The following GPHN variants were observed in gnomAD, a reference collection of about 807,000 sequenced individuals.
GPHN encodes gephyrin.
In GPHN, 17 loss-of-function variants were observed where a neutral mutation model predicts 95.5. The observed-to-expected ratio is 0.18, with a 90% CI of 0.12 to 0.27. GPHN has a LOEUF of 0.27. GPHN is among the 10% of genes least tolerant of loss of function. GPHN has a pLI of 1.00. For missense variants in GPHN, 660 were observed against 978.1 expected (o/e 0.67, Z 4.34); for synonymous variants, 320 against 322.5 (o/e 0.99, Z 0.08).
At chr14:67,271,707 T>C in the GPHN span, 1 of 152,148 alleles carries the variant, frequency 6.6e-6, no homozygotes, top group Non-Finnish European at 1.5e-5. Flanking sequence ...TTAAAGAGAA[T>C]AGGAGATTAA....
At chr14:67,725,409 G>A in the GPHN span, among the ~76,000 whole-genome samples, 1 of 152,216 alleles carries the variant, frequency 6.6e-6, no homozygotes, top group South Asian at 2.1e-4. Context: ...TTGGCAAGAG[G>A]ATGGTGGGTA....
At chr14:66,812,774 A>G (rs2060813471) in intron 3 of GPHN, among the ~76,000 whole-genome samples, 1 of 152,202 alleles carries the variant, frequency 6.6e-6, no homozygotes, top group African/African-American at 2.4e-5. Flanking sequence ...TTTCAAACCA[A>G]CAAAATTTAT....
chr14:67,691,018 C>T, the GPHN span: 2 of 713,830 alleles, frequency 2.8e-6, no homozygotes, highest in East Asian at 2.5e-5. Flanking sequence ...AACTATTATG[C>T]ACACATGGTC....
intron 12 of GPHN, 141 bp from the exon 13 acceptor site, chr14:67,100,715 T>C: frequency 1.4e-6 from 1 of 692,054 alleles, no homozygotes; most frequent in Non-Finnish European, 2.7e-6. Context: ...CATTGTCAAG[T>C]CTAGGAGATC....
At chr14:67,621,306 T>C in the GPHN span, among the ~76,000 whole-genome samples, 1 of 152,188 alleles carries the variant, frequency 6.6e-6, no homozygotes, top group Non-Finnish European at 1.5e-5. Flanking sequence ...TTGAGATGCT[T>C]ATGATTTATC....
chr14:67,345,462 G>T, the GPHN span, among the ~76,000 whole-genome samples: 1 of 151,922 alleles, frequency 6.6e-6, no homozygotes, highest in African/African-American at 2.4e-5. Context: ...GGCTGAGGCA[G>T]AAGAATCACT....
At chr14:67,175,056 T>G (rs1210761621) in intron 21 of GPHN, among the ~76,000 whole-genome samples, 1 of 152,216 alleles carries the variant, frequency 6.6e-6, no homozygotes, top group African/African-American at 2.4e-5. Flanking sequence ...TAGTTTCTTT[T>G]GCTGTGTAGA....
At chr14:66,844,736 A>C (rs2062247376) in intron 4 of GPHN, among the ~76,000 whole-genome samples, 1 of 152,186 alleles carries the variant, frequency 6.6e-6, no homozygotes, top group Non-Finnish European at 1.5e-5. Flanking sequence ...AAATATAAAC[A>C]TAAAATTTAC....
chr14:67,596,058 G>C, the GPHN span, among the ~76,000 whole-genome samples: 2 of 152,152 alleles, frequency 1.3e-5, no homozygotes, highest in Non-Finnish European at 2.9e-5. Context: ...CATTTCTGAA[G>C]TTAAAATGTG....
the GPHN span, chr14:67,199,199 G>T: frequency 1.0e-5 from 16 of 1,606,754 alleles, no homozygotes; most frequent in Middle Eastern, 3.3e-4. Flanking sequence ...ACATGCCAAA[G>T]GATAGAGTCA....
chr14:67,671,911 C>T, the GPHN span, among the ~76,000 whole-genome samples: 1 of 152,210 alleles, frequency 6.6e-6, no homozygotes, highest in Admixed American at 6.5e-5. Flanking sequence ...ATGGAGCCCT[C>T]ATGGTCTAAT....
the GPHN span, among the ~76,000 whole-genome samples, chr14:67,296,892 C>T: frequency 6.6e-6 from 1 of 152,106 alleles, no homozygotes; most frequent in Admixed American, 6.6e-5. Flanking sequence ...TGGGCTCAAA[C>T]AATCCTTCCA....
At chr14:67,388,162 T>C in the GPHN span, 1 of 1,024,884 alleles carries the variant, frequency 9.8e-7, no homozygotes. Flanking sequence ...TAGTGGGACA[T>C]TACTGAGGTG....
At chr14:67,148,685 C>T (rs184008898) in intron 18 of GPHN, among the ~76,000 whole-genome samples, 3 of 151,602 alleles carry the variant, frequency 2.0e-5, no homozygotes, top group African/African-American at 2.4e-5. Context: ...CTCAGCCTCC[C>T]GAGTAGCTGG....
At chr14:67,575,824 G>A in the GPHN span, 636 of 1,612,416 alleles carry the variant, frequency 3.9e-4, 10 homozygotes, top group South Asian at 6.1e-3. Flanking sequence ...TGTCCACAGC[G>A]ACCCCTGGGC....
chr14:66,799,388 C>A (rs944393954), intron 3 of GPHN, among the ~76,000 whole-genome samples: 1 of 151,924 alleles, frequency 6.6e-6, no homozygotes, highest in African/African-American at 2.4e-5. Context: ...CCTGGAAGAT[C>A]TTTCCAATGC....
At chr14:67,132,141 A>G (rs2079757844) in intron 17 of GPHN, among the ~76,000 whole-genome samples, 1 of 152,230 alleles carries the variant, frequency 6.6e-6, no homozygotes, top group Admixed American at 6.5e-5. Flanking sequence ...GCAGAAGGAC[A>G]AATACTGAGA....
the GPHN span, among the ~76,000 whole-genome samples, chr14:67,349,786 T>C: frequency 6.6e-6 from 1 of 152,206 alleles, no homozygotes; most frequent in Admixed American, 6.5e-5. Context: ...CACTATTGAT[T>C]GATCTCCACC....
chr14:67,646,395 G>A, the GPHN span: 2 of 474,012 alleles, frequency 4.2e-6, no homozygotes, highest in African/African-American at 2.0e-5. Flanking sequence ...GTAAGTTAAT[G>A]AGAAACCAAG....
Sources: gnomAD v4.1 joint callset for allele counts (sites outside exome capture counted in the v4.1 genomes callset) on GRCh38, gnomAD v4.1.1 for gene constraint, MANE v1.5 for transcripts, NCBI Gene and HGNC (gene_info 2026-07-23, HGNC 2026-07-21) for gene names.